The following NCALD variants were observed in gnomAD, a reference collection of about 807,000 sequenced individuals.
The protein encoded by NCALD is neurocalcin delta.
A neutral mutation model predicts 18.6 loss-of-function variants in NCALD; 10 were observed. That is an observed-to-expected ratio of 0.54 (90% CI 0.33 to 0.91). NCALD has a LOEUF of 0.91. Ranked by LOEUF, NCALD falls within the 40% of genes least tolerant of loss-of-function variation. The pLI, the probability that NCALD is intolerant of heterozygous loss-of-function variation, is 0.03. For missense variants in NCALD, 184 were observed against 247.6 expected, an observed-to-expected ratio of 0.74 and a Z score of 1.72; for synonymous variants, 88 against 87.4, an observed-to-expected ratio of 1.01 and a Z score of -0.04.
intron 4 of NCALD, among the ~76,000 whole-genome samples, chr8:101,798,841 A>G (rs2131062749): frequency 6.6e-6 from 1 of 152,374 alleles, no homozygotes; most frequent in African/African-American, 2.4e-5. Flanking sequence ...GGAGAACCCA[A>G]TAGCTCACCA....
chr8:101,779,061 C>G (rs1811908922), intron 1 of NCALD, among the ~76,000 whole-genome samples: 1 of 152,056 alleles, frequency 6.6e-6, no homozygotes, highest in South Asian at 2.1e-4. Flanking sequence ...GACAGTGAAA[C>G]AAAGTCCATA....
At chr8:102,063,657 A>G (rs756010496) in intron 1 of NCALD, among the ~76,000 whole-genome samples, 1 of 152,094 alleles carries the variant, frequency 6.6e-6, no homozygotes, top group Non-Finnish European at 1.5e-5. Flanking sequence ...GCTCAAAACT[A>G]CTCTTGAAAG....
intron 2 of NCALD, among the ~76,000 whole-genome samples, chr8:101,969,945 ATG>A (rs921389112): frequency 1.1e-4 from 16 of 152,308 alleles, no homozygotes; most frequent in African/African-American, 3.8e-4. Context: ...GTGCACACAC[ATG>A]TGTTTACAGA....
At chr8:101,867,595 A>C (rs1276369581) in intron 4 of NCALD, among the ~76,000 whole-genome samples, 1 of 152,234 alleles carries the variant, frequency 6.6e-6, no homozygotes, top group Non-Finnish European at 1.5e-5. Flanking sequence ...TGGAATTTTC[A>C]CTGGCAAGGG....
At chr8:102,079,071 T>C (rs1326910892) in intron 1 of NCALD, among the ~76,000 whole-genome samples, 1 of 152,152 alleles carries the variant, frequency 6.6e-6, no homozygotes, top group Non-Finnish European at 1.5e-5. Flanking sequence ...CTCCTGCCAC[T>C]GGAGACCACC....
chr8:102,123,731 T>G (rs367882799), intron 1 of NCALD: 7 of 152,342 alleles, frequency 4.6e-5, no homozygotes, highest in African/African-American at 1.7e-4. Context: ...CTTGGCCCCC[T>G]CCCCAGACGC....
chr8:102,011,299 T>A (rs951700712), intron 2 of NCALD, among the ~76,000 whole-genome samples: 9 of 152,198 alleles, frequency 5.9e-5, no homozygotes, highest in Non-Finnish European at 1.2e-4. Context: ...AATATTCTTC[T>A]CCTCTTATCT....
At chr8:101,959,069 A>G (rs1348102866) in intron 2 of NCALD, among the ~76,000 whole-genome samples, 1 of 152,124 alleles carries the variant, frequency 6.6e-6, no homozygotes, top group Non-Finnish European at 1.5e-5. Context: ...ATGTTCATCC[A>G]CTAGTCCTAA....
At chr8:101,793,051 T>C (rs1192448251), upstream of NCALD, among the ~76,000 whole-genome samples, 1 of 152,170 alleles carries the variant, frequency 6.6e-6, no homozygotes. Flanking sequence ...AGTGAACTAT[T>C]AAAATATTCA....
intron 1 of NCALD, among the ~76,000 whole-genome samples, chr8:101,773,144 C>G (rs563167119): frequency 6.6e-6 from 1 of 152,204 alleles, no homozygotes; most frequent in South Asian, 2.1e-4. Flanking sequence ...GCATGCTGCT[C>G]TGAATCAAGA....
At chr8:101,732,520 C>A (rs1816880702) in intron 1 of NCALD, among the ~76,000 whole-genome samples, 1 of 151,162 alleles carries the variant, frequency 6.6e-6, no homozygotes, top group East Asian at 1.9e-4. Context: ...AAAATAGTAT[C>A]CTACATAGGA....
intron 4 of NCALD, among the ~76,000 whole-genome samples, chr8:101,846,979 T>C (rs1055913766): frequency 3.3e-5 from 5 of 152,214 alleles, no homozygotes; most frequent in African/African-American, 1.2e-4. Flanking sequence ...AAATATCTAC[T>C]ATCTCTTTCT....
At chr8:101,708,357 T>C (rs76239121) in intron 2 of NCALD, among the ~76,000 whole-genome samples, 3,942 of 152,324 alleles carry the variant, frequency 0.026, 134 homozygotes, top group African/African-American at 0.078. Flanking sequence ...TTTCCACCAA[T>C]TGGAGATTTA....
intron 2 of NCALD, among the ~76,000 whole-genome samples, chr8:101,983,385 A>G (rs1015043769): frequency 4.6e-5 from 7 of 152,328 alleles, no homozygotes; most frequent in South Asian, 2.1e-4. Context: ...CTCCGTCCCT[A>G]TGCCATGGCC....
rs556632254 is a variant in NCALD, at chr8:101,866,013, G to A, written c.-20+21128C>T. On this transcript the variant is annotated intron_variant, in intron 4 of 6. Coordinates refer to the NCALD transcript ENST00000311028. ...TCTACTTCCTAGTGCTCCAGTACTT[G>A]AGAGAACTACATCCATTCCAGGATG... is the stretch of plus-strand genomic sequence containing the variant. 5.6e-4 allele frequency among the ~76,000 whole-genome samples: 85 copies of A among 152,236 alleles called. 1 individual carries two copies. The South Asian group carries it at 0.017, about 31-fold the overall frequency.
intron 1 of NCALD, among the ~76,000 whole-genome samples, chr8:101,789,204 G>A (rs370235965): frequency 9.9e-5 from 15 of 152,190 alleles, no homozygotes; most frequent in South Asian, 2.1e-4. Flanking sequence ...GTTAAATGAC[G>A]GTGCTACTGG....
At chr8:102,043,190 G>A (rs1309840229) in intron 1 of NCALD, among the ~76,000 whole-genome samples, 1 of 151,984 alleles carries the variant, frequency 6.6e-6, no homozygotes, top group Non-Finnish European at 1.5e-5. Context: ...GCAGTTAACT[G>A]TATTTCCCAA....
intron 1 of NCALD, among the ~76,000 whole-genome samples, chr8:102,067,283 AT>A (rs1333162539): frequency 1.3e-5 from 2 of 152,202 alleles, no homozygotes; most frequent in Non-Finnish European, 2.9e-5. Flanking sequence ...ATGTGAAGCC[AT>A]TTTAAAACAA....
intron 2 of NCALD, among the ~76,000 whole-genome samples, chr8:101,989,986 G>A (rs915969492): frequency 3.3e-5 from 5 of 152,098 alleles, no homozygotes; most frequent in Non-Finnish European, 5.9e-5. Context: ...AGCATGCCTG[G>A]GTCAGTAAGT....
Sources: allele counts gnomAD v4.1 joint callset (sites outside exome capture counted in the v4.1 genomes callset), GRCh38; gene constraint gnomAD v4.1.1; transcripts MANE v1.5; gene names NCBI Gene and HGNC (gene_info 2026-07-23, HGNC 2026-07-21).